The following ITGA6 variants were observed in gnomAD, a reference collection of about 807,000 sequenced individuals.
The protein encoded by ITGA6 is integrin subunit alpha 6.
ITGA6 carries 63 observed loss-of-function variants against 133.6 expected under a neutral mutation model. That is an observed-to-expected ratio of 0.47 (90% CI 0.38 to 0.58). The LOEUF (loss-of-function observed/expected upper bound fraction) is 0.58. ITGA6 is among the 20% of genes least tolerant of loss of function. ITGA6 has a pLI of 0.00. For missense variants in ITGA6, 1,068 were observed against 1,309.4 expected (o/e 0.82, Z 2.85); for synonymous variants, 434 against 482.0 (o/e 0.90, Z 1.30).
chr2:172,462,292 C>T (rs1467583066), intron 1 of ITGA6, among the ~76,000 whole-genome samples: 2 of 152,188 alleles, frequency 1.3e-5, no homozygotes, highest in Non-Finnish European at 2.9e-5. Context: ...GTGGAACACT[C>T]CTGCTTCCTC....
rs546428553 is a variant in ITGA6, at chr2:172,484,510, C to T, written c.1550-272C>T. ...TCAGCCAGAAACTGATTCTTAATAA[C>T]TGCTGCTGCTGAAAGGTTTTAACTT... On this transcript the variant is annotated intron_variant, in intron 11 of 25. Coordinates refer to ENST00000684293, the MANE Select transcript of ITGA6 (RefSeq NM_000210.4). Among the ~76,000 whole-genome samples, 6 of 144,134 alleles carry T rather than the reference C, an allele frequency of 4.2e-5. No homozygotes were observed. The South Asian group carries it at 8.7e-4, about 21-fold the overall frequency. The allele number at this position is 144,134 out of a possible 152,430, so 94.6% of individuals were successfully genotyped here.
At chr2:172,476,371 A>T (rs752260325) in intron 8 of ITGA6, 24 bp from the exon 9 acceptor site, 13 of 1,231,718 alleles carry the variant, frequency 1.1e-5, no homozygotes, top group Non-Finnish European at 1.6e-5. Flanking sequence ...CCTAATGTCC[A>T]TTCGGATGCC....
At chr2:172,438,680 T>G (rs536416971) in intron 1 of ITGA6, among the ~76,000 whole-genome samples, 1 of 152,004 alleles carries the variant, frequency 6.6e-6, no homozygotes, top group Non-Finnish European at 1.5e-5. Flanking sequence ...CCAATCAACA[T>G]CAGCCTTTAC....
intron 1 of ITGA6, among the ~76,000 whole-genome samples, chr2:172,461,891 T>C (rs1076595): frequency 0.1 from 15,433 of 152,218 alleles, 1,639 homozygotes; most frequent in East Asian, 0.52. Context: ...ATGACCTAGA[T>C]TAGGAAGTAG....
chr2:172,440,699 G>A (rs1490414488), intron 1 of ITGA6, among the ~76,000 whole-genome samples: 1 of 152,208 alleles, frequency 6.6e-6, no homozygotes, highest in African/African-American at 2.4e-5. Flanking sequence ...ACTGCTATGA[G>A]TTGAATTCAG....
chr2:172,443,113 T>C (rs1030635827), intron 1 of ITGA6, among the ~76,000 whole-genome samples: 9 of 152,232 alleles, frequency 5.9e-5, no homozygotes, highest in Admixed American at 2.0e-4. Flanking sequence ...ACCAGCTTAC[T>C]GTGAATCTTT....
At chr2:172,488,329 A>G (rs1233497342) in intron 19 of ITGA6, 101 bp downstream of exon 19, 1 of 832,878 alleles carries the variant, frequency 1.2e-6, no homozygotes, top group African/African-American at 1.7e-5. Context: ...ATTAATAAGC[A>G]TTGTAAGTAA....
intron 1 of ITGA6, among the ~76,000 whole-genome samples, chr2:172,459,757 C>T (rs1303385157): frequency 6.6e-6 from 1 of 152,218 alleles, no homozygotes; most frequent in African/African-American, 2.4e-5. Flanking sequence ...GGGGGAACAT[C>T]AGATCCCAGA....
In ITGA6 at chr2:172,504,331, C is replaced by T; in HGVS notation, c.*263C>T. 9.2e-7 allele frequency: 1 copy of T among 1,086,650 alleles called. No individual in the cohort carries two copies. Among genetic ancestry groups the T allele is most frequent in the Admixed American group, 2.7e-5 (1 of 37,656 alleles). The allele number at this position is 1,086,650 out of a possible 1,614,324, so 67.3% of individuals were successfully genotyped here. The stretch of plus-strand genomic sequence containing the variant: ...AGAAATTCAATTTGGATTTAAAAGC[C>T]TGCTCAATCCCTGAGGACTGATTTC... On this transcript the variant is annotated 3_prime_UTR_variant, in exon 26 of 26. Coordinates refer to ENST00000684293, the MANE Select transcript of ITGA6 (RefSeq NM_000210.4).
intron 1 of ITGA6, among the ~76,000 whole-genome samples, chr2:172,450,816 A>AAG (rs1390802725): frequency 1.4e-5 from 2 of 146,900 alleles, no homozygotes; most frequent in Non-Finnish European, 3.0e-5. Context: ...TTTTGTATGT[A>AAG]TGTGTATATA....
chr2:172,436,211 G>A (rs75689576), intron 1 of ITGA6, among the ~76,000 whole-genome samples: 7,984 of 152,224 alleles, frequency 0.052, 367 homozygotes, highest in East Asian at 0.26. Flanking sequence ...CAAGGACAGT[G>A]GCCTTGGGGA....
At chr2:172,452,789 G>C (rs1352777436) in intron 1 of ITGA6, among the ~76,000 whole-genome samples, 1 of 152,176 alleles carries the variant, frequency 6.6e-6, no homozygotes, top group Admixed American at 6.5e-5. Context: ...ACAGATAAGG[G>C]CATCTGCATT....
intron 23 of ITGA6, among the ~76,000 whole-genome samples, chr2:172,497,074 A>G (rs1687155566): frequency 1.3e-5 from 2 of 152,204 alleles, no homozygotes; most frequent in African/African-American, 4.8e-5. Flanking sequence ...ATCCTAAGAA[A>G]AAGGTAAAAT....
At position 172,488,059 on chromosome 2, in the gene ITGA6, T is replaced by C. The variant is rs756694706; in HGVS notation, c.2402+21T>C. Reference sequence around the variant, plus strand: ...TCGGGGTAAGTGTTTGTGTTTAGCATAACAAATCAATGTTTGAAAGAACCA... The same window carrying C: ...TCGGGGTAAGTGTTTGTGTTTAGCACAACAAATCAATGTTTGAAAGAACCA... On this transcript the variant is annotated intron_variant, in intron 18 of 25. Transcript: ENST00000684293. The C allele has an allele frequency of 4.7e-5, 76 of 1,612,542 alleles. No homozygotes were observed. The Admixed American group carries it at 1.3e-3, about 27-fold the overall frequency.
At chr2:172,486,594 A>G (rs1355809769) in intron 13 of ITGA6, among the ~76,000 whole-genome samples, 1 of 152,170 alleles carries the variant, frequency 6.6e-6, no homozygotes, top group Non-Finnish European at 1.5e-5. Context: ...ATGAGTTAAG[A>G]TATGTAAATC....
intron 1 of ITGA6, among the ~76,000 whole-genome samples, chr2:172,430,750 A>G (rs1684072848): frequency 6.6e-6 from 1 of 152,220 alleles, no homozygotes; most frequent in Non-Finnish European, 1.5e-5. Context: ...TTCAGGCTGT[A>G]TATTAAAGAA....
chr2:172,479,603 C>A, intron 9 of ITGA6, 38 bp from the exon 10 acceptor site: 1 of 1,533,256 alleles, frequency 6.5e-7, no homozygotes, highest in Non-Finnish European at 9.0e-7. Flanking sequence ...TTCAAGGTAA[C>A]AGAGGCTGAG....
chr2:172,458,246 CTT>C (rs72218248), intron 1 of ITGA6, among the ~76,000 whole-genome samples: 10 of 143,596 alleles, frequency 7.0e-5, no homozygotes, highest in Admixed American at 1.4e-4. Flanking sequence ...ATAATGAATT[CTT>C]TTTTTTTTTT....
chr2:172,487,211 G>A, intron 14 of ITGA6, 53 bp from the exon 15 acceptor site: 2 of 1,550,630 alleles, frequency 1.3e-6, no homozygotes, highest in Non-Finnish European at 1.8e-6. Flanking sequence ...AAAGTTTACT[G>A]GAAACGTATT....
Sources: allele counts gnomAD v4.1 joint callset (sites outside exome capture counted in the v4.1 genomes callset), GRCh38; gene constraint gnomAD v4.1.1; transcripts MANE v1.5; gene names NCBI Gene and HGNC (gene_info 2026-07-23, HGNC 2026-07-21).